The following IMMP2L variants were observed in gnomAD, a reference collection of about 807,000 sequenced individuals.
IMMP2L encodes inner mitochondrial membrane peptidase subunit 2.
Under a neutral mutation model 19.3 loss-of-function variants are expected in IMMP2L, and 18 were observed. The observed-to-expected ratio is 0.93, with a 90% CI of 0.64 to 1.38. IMMP2L has a LOEUF of 1.38. Ranked by LOEUF, IMMP2L falls within the 40% of genes most tolerant of loss-of-function variation. The pLI, the probability that IMMP2L is intolerant of heterozygous loss-of-function variation, is 0.00. For synonymous variants in IMMP2L, 76 were observed against 73.0 expected, an observed-to-expected ratio of 1.04 and a Z score of -0.21; for missense variants, 233 against 218.2, an observed-to-expected ratio of 1.07 and a Z score of -0.43.
At chr7:111,487,375 T>C in intron 2 of IMMP2L, 34 bp from the exon 3 acceptor site, 2 of 1,243,978 alleles carry the variant, frequency 1.6e-6, no homozygotes, top group Non-Finnish European at 2.4e-6. Context: ...ACTTCTATCA[T>C]TTGTATTTTT....
intron 3 of IMMP2L, among the ~76,000 whole-genome samples, chr7:111,329,132 C>T (rs185004167): frequency 2.4e-3 from 364 of 151,760 alleles, no homozygotes; most frequent in Non-Finnish European, 4.3e-3. Flanking sequence ...AGCCAAGATA[C>T]GAAACATTTA....
intron 3 of IMMP2L, among the ~76,000 whole-genome samples, chr7:111,326,887 G>T (rs2130596507): frequency 6.6e-6 from 1 of 151,872 alleles, no homozygotes; most frequent in Middle Eastern, 3.4e-3. Flanking sequence ...ACTGAAATCA[G>T]GATCTCAAAG....
chr7:111,366,918 C>A (rs1053676833), intron 3 of IMMP2L, among the ~76,000 whole-genome samples: 1 of 151,886 alleles, frequency 6.6e-6, no homozygotes, highest in Admixed American at 6.6e-5. Context: ...AGCATGTTAA[C>A]ACTTGCTAAG....
intron 4 of IMMP2L, among the ~76,000 whole-genome samples, chr7:110,921,390 T>G (rs1176859341): frequency 6.6e-6 from 1 of 152,164 alleles, no homozygotes; most frequent in Non-Finnish European, 1.5e-5. Flanking sequence ...TATATGGAGA[T>G]GTTCATCTGC....
At chr7:111,418,869 T>C (rs551064175) in intron 3 of IMMP2L, among the ~76,000 whole-genome samples, 1 of 151,978 alleles carries the variant, frequency 6.6e-6, no homozygotes, top group African/African-American at 2.4e-5. Context: ...GCCCAATAGC[T>C]AAATGCCACT....
At chr7:110,954,021 T>C (rs1445153994) in intron 4 of IMMP2L, among the ~76,000 whole-genome samples, 3 of 152,148 alleles carry the variant, frequency 2.0e-5, no homozygotes, top group Non-Finnish European at 4.4e-5. Flanking sequence ...GTTGTTTGCC[T>C]AATCTTTTCA....
intron 4 of IMMP2L, among the ~76,000 whole-genome samples, chr7:110,899,469 A>T (rs1811648990): frequency 6.6e-6 from 1 of 152,212 alleles, no homozygotes; most frequent in South Asian, 2.1e-4. Context: ...TACATTCCAT[A>T]TTTGGCAGCT....
At chr7:111,141,810 C>T (rs1450640017) in intron 3 of IMMP2L, among the ~76,000 whole-genome samples, 1 of 152,174 alleles carries the variant, frequency 6.6e-6, no homozygotes, top group Non-Finnish European at 1.5e-5. Flanking sequence ...AAGTGATCCT[C>T]CTGCCTCAGG....
intron 3 of IMMP2L, among the ~76,000 whole-genome samples, chr7:111,080,570 GATT>G (rs1795808619): frequency 6.6e-6 from 1 of 151,762 alleles, no homozygotes; most frequent in African/African-American, 2.4e-5. Flanking sequence ...TTTCAAAAAA[GATT>G]ATAAGTGATT....
intron 3 of IMMP2L, among the ~76,000 whole-genome samples, chr7:111,117,091 G>A (rs570114286): frequency 4.9e-4 from 75 of 152,186 alleles, no homozygotes; most frequent in African/African-American, 1.7e-3. Context: ...TAACTAATTT[G>A]ATAGTCTTTA....
At position 111,308,034 on chromosome 7, in the gene IMMP2L, T is replaced by C. The variant is rs138160121; in HGVS notation, c.239+179204A>G. 7.0e-3 allele frequency among the ~76,000 whole-genome samples: 1,058 copies of C among 152,092 alleles called. 13 individuals carry two copies. The highest frequency in any genetic ancestry group is 0.023 in the African/African-American group (937 of 41,552). On this transcript the variant is annotated intron_variant, in intron 3 of 5. Transcript: ENST00000405709. ...TCACAAACTAAAACAATTATAGTGA[T>C]ATAGTTCAACTCAGTCTCTTAACTT...
At chr7:110,666,691 C>A (rs1791479104) in intron 5 of IMMP2L, among the ~76,000 whole-genome samples, 2 of 152,118 alleles carry the variant, frequency 1.3e-5, no homozygotes, top group Admixed American at 1.3e-4. Context: ...TCTCCCTCAC[C>A]TTCCGCACTC....
At chr7:111,543,365 T>C (rs1848646564) in intron 1 of IMMP2L, among the ~76,000 whole-genome samples, 1 of 152,166 alleles carries the variant, frequency 6.6e-6, no homozygotes, top group African/African-American at 2.4e-5. Context: ...CTGTACCTGG[T>C]AGGGACTGCT....
intron 5 of IMMP2L, among the ~76,000 whole-genome samples, chr7:110,700,707 G>T (rs1405411077): frequency 6.6e-6 from 1 of 152,106 alleles, no homozygotes; most frequent in African/African-American, 2.4e-5. Flanking sequence ...GTTGGATATT[G>T]GACTTTCTTA....
chr7:111,503,698 AAACAG>A (rs1844562312), intron 2 of IMMP2L, among the ~76,000 whole-genome samples: 1 of 152,176 alleles, frequency 6.6e-6, no homozygotes, highest in African/African-American at 2.4e-5. Flanking sequence ...TCCAGCATAT[AAACAG>A]AACCAAAGAC....
At chr7:110,851,753 A>T (rs1806246363) in intron 5 of IMMP2L, among the ~76,000 whole-genome samples, 1 of 152,162 alleles carries the variant, frequency 6.6e-6, no homozygotes, top group Non-Finnish European at 1.5e-5. Context: ...GCTAAAAGAA[A>T]TGCAGAAATT....
intron 3 of IMMP2L, among the ~76,000 whole-genome samples, chr7:111,164,888 A>G (rs1487014856): frequency 6.6e-6 from 1 of 151,690 alleles, no homozygotes; most frequent in Non-Finnish European, 1.5e-5. Context: ...CTTTTTTTCT[A>G]ATTATTTTTT....
At chr7:111,453,363 C>G (rs73203019) in intron 3 of IMMP2L, among the ~76,000 whole-genome samples, 4,146 of 152,272 alleles carry the variant, frequency 0.027, 106 homozygotes, top group Non-Finnish European at 0.046. Context: ...CCCACTATGA[C>G]AGCAGATTCC....
intron 3 of IMMP2L, among the ~76,000 whole-genome samples, chr7:111,483,280 T>C (rs1174303939): frequency 6.6e-6 from 1 of 152,204 alleles, no homozygotes; most frequent in African/African-American, 2.4e-5. Flanking sequence ...TCTGTCCCGA[T>C]GGACTTGTTA....
Sources: allele counts gnomAD v4.1 joint callset (sites outside exome capture counted in the v4.1 genomes callset), GRCh38; gene constraint gnomAD v4.1.1; transcripts MANE v1.5; gene names NCBI Gene and HGNC (gene_info 2026-07-23, HGNC 2026-07-21).